The following GRM5 variants were observed in gnomAD, a reference collection of about 807,000 sequenced individuals.
GRM5 encodes the protein glutamate metabotropic receptor 5, also known as metabotropic glutamate receptor 5.
In GRM5, 19 loss-of-function variants were observed where a neutral mutation model predicts 83.1. That is an observed-to-expected ratio of 0.23 (90% CI 0.16 to 0.34). The LOEUF is 0.34. Ranked by LOEUF, GRM5 falls within the 10% of genes least tolerant of loss-of-function variation. The pLI, the probability that GRM5 is intolerant of heterozygous loss-of-function variation, is 1.00. For missense variants in GRM5, 1,160 were observed against 1,588.3 expected, an observed-to-expected ratio of 0.73 and a Z score of 4.58; for synonymous variants, 675 against 633.6, an observed-to-expected ratio of 1.07 and a Z score of -0.98.
intron 3 of GRM5, among the ~76,000 whole-genome samples, chr11:88,746,598 C>G (rs897989777): frequency 1.3e-5 from 2 of 151,298 alleles, no homozygotes; most frequent in Non-Finnish European, 1.5e-5. Flanking sequence ...CTTAAGCCAA[C>G]ATCTTTTTCC....
At chr11:88,823,418 C>A (rs1943836140) in intron 3 of GRM5, among the ~76,000 whole-genome samples, 1 of 151,804 alleles carries the variant, frequency 6.6e-6, no homozygotes, top group African/African-American at 2.4e-5. Context: ...CTATATCCTT[C>A]AGTATTTTAA....
intron 2 of GRM5, among the ~76,000 whole-genome samples, chr11:89,002,333 C>T (rs780309653): frequency 1.4e-4 from 22 of 151,936 alleles, no homozygotes; most frequent in Non-Finnish European, 2.5e-4. Flanking sequence ...TTTAGCAAAC[C>T]GGATATGCAC....
At chr11:88,713,126 T>C (rs1941317409) in intron 3 of GRM5, among the ~76,000 whole-genome samples, 1 of 152,082 alleles carries the variant, frequency 6.6e-6, no homozygotes, top group Admixed American at 6.6e-5. Context: ...GAAAGCATAC[T>C]GCTATATTGT....
intron 2 of GRM5, among the ~76,000 whole-genome samples, chr11:88,910,492 T>TA (rs1945478152): frequency 6.6e-6 from 1 of 152,136 alleles, no homozygotes; most frequent in Admixed American, 6.5e-5. Context: ...TAACTGTTTG[T>TA]GGAACCACCA....
intron 3 of GRM5, among the ~76,000 whole-genome samples, chr11:88,735,067 A>C (rs2135410448): frequency 6.6e-6 from 1 of 150,424 alleles, no homozygotes; most frequent in African/African-American, 2.5e-5. Context: ...ACCTATCTTA[A>C]GATCTTAAGC....
intron 3 of GRM5, among the ~76,000 whole-genome samples, chr11:88,656,735 A>G (rs1939775990): frequency 6.6e-6 from 1 of 152,170 alleles, no homozygotes; most frequent in Non-Finnish European, 1.5e-5. Flanking sequence ...TGTGGGTTCC[A>G]TATTCACAGA....
At chr11:88,557,767 T>TA (rs1405570672) in intron 8 of GRM5, among the ~76,000 whole-genome samples, 1 of 151,646 alleles carries the variant, frequency 6.6e-6, no homozygotes, top group East Asian at 1.9e-4. Flanking sequence ...TTTTTTTTTT[T>TA]AATACTTTAA....
At chr11:88,639,615 T>C (rs1939235443) in intron 4 of GRM5, among the ~76,000 whole-genome samples, 1 of 150,202 alleles carries the variant, frequency 6.7e-6, no homozygotes, top group African/African-American at 2.5e-5. Context: ...TGAGATGGAG[T>C]CTCGCACTGT....
At chr11:88,679,631 G>T (rs909163911) in intron 3 of GRM5, among the ~76,000 whole-genome samples, 1 of 151,892 alleles carries the variant, frequency 6.6e-6, no homozygotes, top group African/African-American at 2.4e-5. Context: ...AATATCCTGG[G>T]GCTCAAATAC....
chr11:88,816,831 T>G (rs12276202), intron 3 of GRM5, among the ~76,000 whole-genome samples: 3,827 of 151,080 alleles, frequency 0.025, 165 homozygotes, highest in African/African-American at 0.088. Flanking sequence ...TATATAATAT[T>G]AAATGGATCA....
rs150793709 is a variant in GRM5 at position 88,856,407 on chromosome 11, A to G, written c.662-6252T>C. The stretch of plus-strand genomic sequence containing the variant: ...GTCAATATCACTGCCTTTCACGTCC[A>G]CTTCCACATATTGCCCACTGGAAGG... On this transcript the variant is annotated intron_variant, in intron 2 of 9. Transcript: ENST00000305447. Among the ~76,000 whole-genome samples the G allele has an allele frequency of 4.4e-3, 674 of 152,188 alleles. 5 individuals are homozygous for G. The highest frequency in any genetic ancestry group is 0.015 in the African/African-American group (632 of 41,546).
chr11:88,670,270 G>C (rs1267505643), intron 3 of GRM5, among the ~76,000 whole-genome samples: 1 of 151,714 alleles, frequency 6.6e-6, no homozygotes. Context: ...GACCTAAATA[G>C]GAATGATAAA....
chr11:88,865,956 G>T (rs1474577957), intron 2 of GRM5, among the ~76,000 whole-genome samples: 1 of 152,126 alleles, frequency 6.6e-6, no homozygotes, highest in Non-Finnish European at 1.5e-5. Context: ...TACACTGTTG[G>T]TGGAAGTGTA....
intron 3 of GRM5, among the ~76,000 whole-genome samples, chr11:88,702,199 C>T (rs940252004): frequency 2.6e-5 from 4 of 151,984 alleles, no homozygotes; most frequent in African/African-American, 9.7e-5. Context: ...TACCATATAG[C>T]CTGTGGTAGA....
At chr11:88,915,497 A>T (rs1945574644) in intron 2 of GRM5, among the ~76,000 whole-genome samples, 1 of 152,154 alleles carries the variant, frequency 6.6e-6, no homozygotes, top group African/African-American at 2.4e-5. Context: ...TATGGAGAGT[A>T]TCTGTTTCTA....
chr11:88,913,352 C>G (rs1392226929), intron 2 of GRM5, among the ~76,000 whole-genome samples: 1 of 152,094 alleles, frequency 6.6e-6, no homozygotes, highest in Non-Finnish European at 1.5e-5. Context: ...AAGGCAAACT[C>G]ATGCAGAGGG....
intron 2 of GRM5, among the ~76,000 whole-genome samples, chr11:89,039,878 T>A (rs1304994163): frequency 6.6e-6 from 1 of 152,178 alleles, no homozygotes; most frequent in Non-Finnish European, 1.5e-5. Context: ...TTCGCTCACT[T>A]CAGCCTCAAC....
intron 3 of GRM5, among the ~76,000 whole-genome samples, chr11:88,705,585 T>C (rs527359164): frequency 1.4e-5 from 2 of 141,746 alleles, no homozygotes; most frequent in East Asian, 4.3e-4. Context: ...ATAAAATGTT[T>C]CCTGAGTAGA....
chr11:88,861,024 T>C (rs1944553137), intron 2 of GRM5, among the ~76,000 whole-genome samples: 1 of 152,200 alleles, frequency 6.6e-6, no homozygotes, highest in African/African-American at 2.4e-5. Flanking sequence ...GTTAAAATGA[T>C]AGAAGTTTAG....
Sources: gnomAD v4.1 joint callset for allele counts (sites outside exome capture counted in the v4.1 genomes callset) on GRCh38, gnomAD v4.1.1 for gene constraint, MANE v1.5 for transcripts, NCBI Gene and HGNC (gene_info 2026-07-23, HGNC 2026-07-21) for gene names.